The following RBFOX1 variants were observed in gnomAD, a reference collection of about 807,000 sequenced individuals.
RBFOX1 encodes RNA binding fox-1 homolog 1.
Under a neutral mutation model 57.7 loss-of-function variants are expected in RBFOX1, and 8 were observed. The ratio of observed to expected loss-of-function variants is 0.14; its 90% confidence interval spans 0.08 to 0.25. The LOEUF is 0.25. Among genes scored for constraint, RBFOX1 ranks in the 10% least tolerant of loss-of-function variants. The pLI is 1.00. For synonymous variants in RBFOX1, 326 were observed against 222.4 expected (o/e 1.47, Z -4.15); for missense variants, 611 against 548.5 (o/e 1.11, Z -1.14).
intron 1 of RBFOX1, among the ~76,000 whole-genome samples, chr16:6,240,623 C>G (rs1251162487): frequency 6.6e-6 from 1 of 152,094 alleles, no homozygotes; most frequent in Non-Finnish European, 1.5e-5. Context: ...ATAAACCTTG[C>G]TTGACCACAT....
rs118004340 is a variant in RBFOX1, at chr16:6,821,217, C to T, written c.-16+166567C>T. Among the ~76,000 whole-genome samples, 777 of 152,296 alleles carry T rather than the reference C, an allele frequency of 5.1e-3. 1 individual carries two copies. Among genetic ancestry groups the T allele is most frequent in the African/African-American group, 7.8e-3 (325 of 41,566 alleles). On this transcript the variant is annotated intron_variant, in intron 3 of 15. Coordinates refer to ENST00000550418, the MANE Select transcript of RBFOX1 (RefSeq NM_018723.4). ...TTGGCTAGAAGTCCAGTCATGGCCT[C>T]TACCCTTGTAGCTGTTTTAAATATG...
At chr16:5,387,145 G>T (rs1022881256) in intron 1 of RBFOX1, among the ~76,000 whole-genome samples, 1 of 152,194 alleles carries the variant, frequency 6.6e-6, no homozygotes, top group African/African-American at 2.4e-5. Flanking sequence ...AAATCTTGGG[G>T]TGTAAGGACT....
chr16:6,506,624 ATTTTTTTTTTTTTTT>A (rs71145238), intron 2 of RBFOX1, among the ~76,000 whole-genome samples: 1,466 of 98,296 alleles, frequency 0.015, 135 homozygotes, highest in East Asian at 0.04. Flanking sequence ...ACAGTAGCTA[ATTTTTTTTTTTTTTT>A]TTTTTTTTTT....
chr16:5,755,306 C>A (rs1442289112), intron 3 of RBFOX1, among the ~76,000 whole-genome samples: 1 of 151,838 alleles, frequency 6.6e-6, no homozygotes, highest in Non-Finnish European at 1.5e-5. Context: ...ATGTCTACTT[C>A]TTTCTACACA....
chr16:6,203,893 G>C (rs1441962818), intron 1 of RBFOX1, among the ~76,000 whole-genome samples: 2 of 151,818 alleles, frequency 1.3e-5, no homozygotes, highest in Admixed American at 6.6e-5. Flanking sequence ...AAAGCAACCT[G>C]CCTATGCCTG....
rs117562664 is a variant in RBFOX1, at chr16:5,492,118, G to T, written c.258+24864G>T. 3.9e-3 allele frequency among the ~76,000 whole-genome samples: 591 copies of T among 152,284 alleles called. 7 individuals carry two copies. The highest frequency in any genetic ancestry group is 0.037 in the East Asian group (193 of 5,162). ...ACTGAGTCAGAAACACCAGGGCTGA[G>T]GCCTGGGAATCTGTGTTTCAGCAAG... On this transcript the variant is annotated intron_variant, in intron 2 of 2. Transcript: ENST00000585867.
At chr16:6,885,354 A>T (rs180838308) in intron 3 of RBFOX1, among the ~76,000 whole-genome samples, 21 of 152,238 alleles carry the variant, frequency 1.4e-4, no homozygotes, top group Non-Finnish European at 1.0e-4. Flanking sequence ...TGATTTAAAC[A>T]AGCCTTCGGG....
At chr16:7,703,807 G>A (rs1003920226) in intron 14 of RBFOX1, among the ~76,000 whole-genome samples, 10 of 152,142 alleles carry the variant, frequency 6.6e-5, no homozygotes, top group African/African-American at 2.4e-4. Flanking sequence ...ATATCCATTT[G>A]AACTACATCT....
chr16:6,661,385 C>A (rs559859200), intron 3 of RBFOX1, among the ~76,000 whole-genome samples: 17 of 152,064 alleles, frequency 1.1e-4, no homozygotes, highest in Non-Finnish European at 2.2e-4. Flanking sequence ...ATGGCGAATG[C>A]AAGTCCAGTG....
intron 2 of RBFOX1, among the ~76,000 whole-genome samples, chr16:5,575,125 G>A (rs113111235): frequency 2.6e-5 from 4 of 152,098 alleles, no homozygotes; most frequent in Middle Eastern, 3.2e-3. Context: ...GTGCCTTTGC[G>A]TTATGAAGGG....
intron 3 of RBFOX1, among the ~76,000 whole-genome samples, chr16:6,804,039 C>T (rs2086122361): frequency 6.6e-6 from 1 of 151,650 alleles, no homozygotes; most frequent in East Asian, 1.9e-4. Flanking sequence ...TGGAGTCTTG[C>T]ACTGTCACCC....
At chr16:7,326,452 G>T (rs1157208252) in intron 4 of RBFOX1, among the ~76,000 whole-genome samples, 1 of 152,116 alleles carries the variant, frequency 6.6e-6, no homozygotes, top group Non-Finnish European at 1.5e-5. Flanking sequence ...ATCTGTATGG[G>T]GTGTTGGTGG....
At chr16:7,350,212 G>A (rs967477094) in intron 4 of RBFOX1, among the ~76,000 whole-genome samples, 1 of 152,120 alleles carries the variant, frequency 6.6e-6, no homozygotes, top group African/African-American at 2.4e-5. Flanking sequence ...AGTTGAAACA[G>A]GAATTAGAGC....
chr16:7,565,137 C>T (rs1335348485), intron 5 of RBFOX1, among the ~76,000 whole-genome samples: 3 of 152,170 alleles, frequency 2.0e-5, no homozygotes, highest in African/African-American at 4.8e-5. Context: ...TTTTAGTTCA[C>T]ATTCCCTGGG....
intron 2 of RBFOX1, among the ~76,000 whole-genome samples, chr16:6,491,771 G>C (rs181378438): frequency 2.6e-5 from 4 of 152,112 alleles, no homozygotes; most frequent in African/African-American, 4.8e-5. Flanking sequence ...TGACTAAAAG[G>C]GCTGCTAATC....
At chr16:7,190,527 C>G (rs1356642665) in intron 4 of RBFOX1, among the ~76,000 whole-genome samples, 1 of 151,612 alleles carries the variant, frequency 6.6e-6, no homozygotes, top group Non-Finnish European at 1.5e-5. Context: ...ACTCTGATCT[C>G]TATCTGATGA....
chr16:5,888,238 C>G (rs1413703762), intron 4 of RBFOX1, among the ~76,000 whole-genome samples: 1 of 152,196 alleles, frequency 6.6e-6, no homozygotes, highest in Admixed American at 6.5e-5. Flanking sequence ...TGGCTTTCCA[C>G]TTGGCCAGGT....
intron 3 of RBFOX1, among the ~76,000 whole-genome samples, chr16:5,834,993 T>A (rs2056414030): frequency 6.6e-6 from 1 of 152,178 alleles, no homozygotes; most frequent in African/African-American, 2.4e-5. Context: ...CTTTGAGATA[T>A]CACCTTACCC....
intron 1 of RBFOX1, among the ~76,000 whole-genome samples, chr16:5,430,631 C>G (rs948849937): frequency 2.0e-5 from 3 of 152,210 alleles, no homozygotes; most frequent in African/African-American, 7.2e-5. Flanking sequence ...TGACTCCAGA[C>G]ACTCAGTGAT....
Sources: gnomAD v4.1 joint callset for allele counts (sites outside exome capture counted in the v4.1 genomes callset) on GRCh38, gnomAD v4.1.1 for gene constraint, MANE v1.5 for transcripts, NCBI Gene and HGNC (gene_info 2026-07-23, HGNC 2026-07-21) for gene names.